The following FRMD6 variants were observed in gnomAD, a reference collection of about 807,000 sequenced individuals.
The protein encoded by FRMD6 is FERM domain-containing protein 6.
FRMD6 carries 37 observed loss-of-function variants against 73.2 expected under a neutral mutation model. That is an observed-to-expected ratio of 0.51 (90% CI 0.39 to 0.66). FRMD6 has a LOEUF of 0.66. Ranked by LOEUF, FRMD6 falls within the 30% of genes least tolerant of loss-of-function variation. FRMD6 has a pLI of 0.00. For missense variants in FRMD6, 714 were observed against 780.5 expected, an observed-to-expected ratio of 0.91 and a Z score of 1.02; for synonymous variants, 273 against 282.2, an observed-to-expected ratio of 0.97 and a Z score of 0.33.
At chr14:51,593,671 T>G (rs1471272039) in intron 2 of FRMD6, among the ~76,000 whole-genome samples, 1 of 152,194 alleles carries the variant, frequency 6.6e-6, no homozygotes, top group Non-Finnish European at 1.5e-5. Context: ...ATCCAGCTGT[T>G]TTGATTCTGT....
rs145720067 is a variant in FRMD6 at position 51,590,031 on chromosome 14, G to A, written c.-147+19621G>A. Among the ~76,000 whole-genome samples, 1,018 of 137,614 alleles carry A rather than the reference G, an allele frequency of 7.4e-3. 11 individuals carry two copies. Among genetic ancestry groups the A allele is most frequent in the African/African-American group, 0.027 (972 of 36,302 alleles). 90.3% of individuals were successfully genotyped at this position (137,614 alleles called of 152,430 possible). A position where few individuals can be genotyped will look rare whatever the true frequency, so the allele number is the denominator to read the frequency against. On this transcript the variant is annotated intron_variant, in intron 2 of 14. Transcript: ENST00000356218. ...TGCAGCAAGCCAAGATCGTGCTACC[G>A]CACTCCAGCCTGGGCAACAAGAGCG... is the stretch of plus-strand genomic sequence containing the variant.
At chr14:51,539,945 G>A (rs1886113535) in intron 1 of FRMD6, among the ~76,000 whole-genome samples, 1 of 152,180 alleles carries the variant, frequency 6.6e-6, no homozygotes, top group Non-Finnish European at 1.5e-5. Context: ...CTGTTCCAGT[G>A]ACTAGCAAGA....
the FRMD6 span, among the ~76,000 whole-genome samples, chr14:51,466,973 T>G: frequency 6.6e-6 from 1 of 152,234 alleles, no homozygotes; most frequent in Non-Finnish European, 1.5e-5. Flanking sequence ...TATTCCTTTT[T>G]TTTTTTAATA....
intron 3 of FRMD6, among the ~76,000 whole-genome samples, chr14:51,700,559 A>T (rs1401960916): frequency 6.6e-6 from 1 of 152,078 alleles, no homozygotes; most frequent in East Asian, 1.9e-4. Context: ...CTTAAAGATT[A>T]GTCTTCACAA....
intron 1 of FRMD6, among the ~76,000 whole-genome samples, chr14:51,514,296 A>G (rs1884493619): frequency 6.6e-6 from 1 of 151,488 alleles, no homozygotes; most frequent in Admixed American, 6.6e-5. Context: ...TAAAATGTTA[A>G]TGAAAACAAA....
intron 2 of FRMD6, among the ~76,000 whole-genome samples, chr14:51,617,010 G>A (rs1171644010): frequency 1.3e-5 from 2 of 152,186 alleles, no homozygotes; most frequent in African/African-American, 2.4e-5. Context: ...CCAGTATATG[G>A]TTTAAGATGG....
At chr14:51,671,598 G>A (rs183926042) in intron 1 of FRMD6, among the ~76,000 whole-genome samples, 53 of 152,260 alleles carry the variant, frequency 3.5e-4, no homozygotes, top group African/African-American at 1.2e-3. Flanking sequence ...TCTCAAAGCA[G>A]CATGAATTCT....
chr14:51,484,920 G>C (rs1882734013), upstream of FRMD6, among the ~76,000 whole-genome samples: 1 of 152,220 alleles, frequency 6.6e-6, no homozygotes, highest in South Asian at 2.1e-4. Context: ...GCTACTCTCT[G>C]AGTGTCAAAG....
At position 51,720,249 on chromosome 14, in the gene FRMD6, G is replaced by A; in HGVS notation, c.1219G>A (p.Gly407Arg). ...GGCAGACACCAAGCCCCGGGACACGGGGCCAGAAGACAGCTACTCCAGCAG... is the reference window on the plus strand; with the variant it reads ...GGCAGACACCAAGCCCCGGGACACGAGGCCAGAAGACAGCTACTCCAGCAG... ...IEADTKPRDT[G>R]PEDSYSSSAI... Residue 407 changes from glycine to arginine, a missense_variant, in exon 11 of 14, where the codon GGG becomes AGG. Transcript: ENST00000344768. 6.2e-7 allele frequency: 1 copy of A among 1,613,984 alleles called. No homozygotes were observed. The highest frequency in any genetic ancestry group is 8.5e-7 in the Non-Finnish European group (1 of 1,179,960).
chr14:51,436,377 G>A, the FRMD6 span: 1 of 435,522 alleles, frequency 2.3e-6, no homozygotes, highest in Non-Finnish European at 4.4e-6. Flanking sequence ...GGAGGACGAA[G>A]AGGCAGTGCA....
intron 1 of FRMD6, among the ~76,000 whole-genome samples, chr14:51,678,048 C>G (rs1303105521): frequency 6.6e-6 from 1 of 152,156 alleles, no homozygotes. Context: ...ATAAATTTCG[C>G]TTATTTAACT....
At chr14:51,483,376 A>G in the FRMD6 span, among the ~76,000 whole-genome samples, 1 of 152,190 alleles carries the variant, frequency 6.6e-6, no homozygotes, top group East Asian at 1.9e-4. Flanking sequence ...GTGTCATAGA[A>G]GATTAAAGGA....
chr14:51,493,192 C>T (rs1423883906), intron 1 of FRMD6, among the ~76,000 whole-genome samples: 1 of 152,178 alleles, frequency 6.6e-6, no homozygotes, highest in Non-Finnish European at 1.5e-5. Flanking sequence ...AATCAACAAT[C>T]ATCTATTTGT....
chr14:51,602,711 A>G (rs1352022557), intron 2 of FRMD6, among the ~76,000 whole-genome samples: 1 of 152,256 alleles, frequency 6.6e-6, no homozygotes, highest in Admixed American at 6.5e-5. Flanking sequence ...CTACTGATTT[A>G]GAGCAAAGTG....
the FRMD6 span, among the ~76,000 whole-genome samples, chr14:51,440,839 T>C: frequency 6.6e-6 from 1 of 152,212 alleles, no homozygotes; most frequent in Non-Finnish European, 1.5e-5. Flanking sequence ...CAAGAAGCTA[T>C]TTATTAGTCC....
chr14:51,653,914 A>T (rs1411783552), intron 1 of FRMD6, among the ~76,000 whole-genome samples: 1 of 152,208 alleles, frequency 6.6e-6, no homozygotes, highest in Non-Finnish European at 1.5e-5. Flanking sequence ...ATATCAAATT[A>T]TCTGCAGGAC....
chr14:51,720,251 G>A lies in FRMD6; in HGVS notation c.1221G>A (p.Gly407=), dbSNP rs1897470893. 6.8e-6 allele frequency: 11 copies of A among 1,613,990 alleles called. No individual in the cohort carries two copies. The highest frequency in any genetic ancestry group is 8.5e-6 in the Non-Finnish European group (10 of 1,179,954). The change falls in exon 11 of 14, where the codon GGG becomes GGA. Residue 407 remains glycine, a synonymous_variant. Transcript: ENST00000344768. ...CAGACACCAAGCCCCGGGACACGGG[G>A]CCAGAAGACAGCTACTCCAGCAGTG... ...IEADTKPRDT[G]PEDSYSSSAI...
At chr14:51,633,621 A>AAAAAAAAAAAAAAAAAAAAG (rs143710280) in intron 2 of FRMD6, among the ~76,000 whole-genome samples, 1 of 99,368 alleles carries the variant, frequency 1.0e-5, no homozygotes. Context: ...AAAAAAAAAA[A>AAAAAAAAAAAAAAAAAAAAG]GAAATAATTA....
chr14:51,489,966 C>T (rs2140161879), intron 1 of FRMD6, among the ~76,000 whole-genome samples: 1 of 152,294 alleles, frequency 6.6e-6, no homozygotes, highest in East Asian at 1.9e-4. Context: ...ACATTAGTAT[C>T]AGTTACATGC....
Sources: gnomAD v4.1 joint callset for allele counts (sites outside exome capture counted in the v4.1 genomes callset) on GRCh38, gnomAD v4.1.1 for gene constraint, MANE v1.5 for transcripts, NCBI Gene and HGNC (gene_info 2026-07-23, HGNC 2026-07-21) for gene names.